The following HS6ST2 variants were observed in gnomAD, a reference collection of about 807,000 sequenced individuals.
HS6ST2 encodes the protein heparan-sulfate 6-O-sulfotransferase 2.
In HS6ST2, 17 loss-of-function variants were observed where a neutral mutation model predicts 33.0. The ratio of observed to expected loss-of-function variants is 0.52; its 90% CI spans 0.35 to 0.77. The LOEUF (loss-of-function observed/expected upper bound fraction) is 0.77. Among genes scored for constraint, HS6ST2 ranks in the 30% least tolerant of loss-of-function variants. The pLI is 0.01. For missense variants in HS6ST2, 519 were observed against 551.7 expected (o/e 0.94, Z 0.59); for synonymous variants, 248 against 237.1 (o/e 1.05, Z -0.42).
rs752994148 is a variant in HS6ST2, at chrX:132,744,229, A to C, written c.948-35735T>G. 6.0e-4 allele frequency among the ~76,000 whole-genome samples: 67 copies of C among 111,869 alleles called. 1 individual carries two copies. Among genetic ancestry groups the C allele is most frequent in the African/African-American group, 2.1e-3 (65 of 30,794 alleles). Reference sequence around the variant, plus strand: ...ATCAACCCTATGAAGTACATAATATATTTACTCCTATGGCTGGAGGAAGCA... The same window carrying C: ...ATCAACCCTATGAAGTACATAATATCTTTACTCCTATGGCTGGAGGAAGCA... On this transcript the variant is annotated intron_variant, in intron 2 of 4. Coordinates refer to ENST00000370833, the MANE Select transcript of HS6ST2 (RefSeq NM_001394073.1).
intron 2 of HS6ST2, among the ~76,000 whole-genome samples, chrX:132,731,630 G>A (rs935218207): frequency 5.4e-5 from 6 of 111,512 alleles, no homozygotes; most frequent in African/African-American, 1.3e-4. Context: ...GGCGGATCAC[G>A]AGGTCAGGAG....
intron 2 of HS6ST2, among the ~76,000 whole-genome samples, chrX:132,911,571 T>C (rs1010361915): frequency 9.0e-6 from 1 of 111,153 alleles, no homozygotes; most frequent in African/African-American, 3.3e-5. Flanking sequence ...GCTAATTCTT[T>C]CCCATGATCC....
intron 2 of HS6ST2, among the ~76,000 whole-genome samples, chrX:132,821,068 C>T (rs1415107764): frequency 1.8e-5 from 2 of 110,701 alleles, no homozygotes; most frequent in Admixed American, 1.9e-4. Context: ...CACCTCCCCC[C>T]ACCATAAAAC....
At chrX:132,863,825 T>C (rs1569498106) in intron 2 of HS6ST2, among the ~76,000 whole-genome samples, 2 of 111,693 alleles carry the variant, frequency 1.8e-5, no homozygotes, top group African/African-American at 6.5e-5. Flanking sequence ...TCTTCATCCC[T>C]AAAAATATCC....
At position 132,629,000 on chromosome X, in the gene HS6ST2, G is replaced by C; in HGVS notation, c.1161C>G (p.Ser387=). 1 of 1,207,948 alleles carries C rather than the reference G, an allele frequency of 8.3e-7. No homozygotes were observed. Among genetic ancestry groups the C allele is most frequent in the Non-Finnish European group, 1.1e-6 (1 of 893,675 alleles). The change falls in exon 5 of 5, where the codon TCC becomes TCG. Residue 387 remains serine, a synonymous_variant. Coordinates refer to ENST00000370833, the MANE Select transcript of HS6ST2 (RefSeq NM_001394073.1). ...GAGGCCTTCCATCGCAGACATGCAG[G>C]GATGCTTTCCATGTTGCCCCTCTCT... ...HVQRGATWKA[S]LHVCDGRPPT... is the part of the protein sequence containing the mutation.
intron 3 of HS6ST2, among the ~76,000 whole-genome samples, chrX:132,697,145 C>A (rs1252698873): frequency 8.9e-6 from 1 of 112,122 alleles, no homozygotes; most frequent in Non-Finnish European, 1.9e-5. Flanking sequence ...ATGTGACTTG[C>A]CACTTTCTGT....
chrX:132,861,040 G>T (rs1334558219), intron 2 of HS6ST2, among the ~76,000 whole-genome samples: 2 of 110,561 alleles, frequency 1.8e-5, no homozygotes, highest in African/African-American at 6.6e-5. Context: ...TGATCTGCCT[G>T]CCTTGGCCTC....
chrX:132,860,786 T>C, intron 2 of HS6ST2, among the ~76,000 whole-genome samples: 1 of 85,291 alleles, frequency 1.2e-5, no homozygotes, highest in Non-Finnish European at 2.3e-5. Context: ...TCTTTTTTTT[T>C]TTTTTTTTTT....
intron 2 of HS6ST2, among the ~76,000 whole-genome samples, chrX:132,712,739 G>A (rs1468470461): frequency 1.8e-5 from 2 of 111,769 alleles, no homozygotes; most frequent in Non-Finnish European, 3.8e-5. Context: ...AGAAAATGGG[G>A]ACAAGGTGGG....
intron 2 of HS6ST2, among the ~76,000 whole-genome samples, chrX:132,844,410 T>C (rs1029540398): frequency 3.6e-5 from 4 of 111,716 alleles, no homozygotes; most frequent in Non-Finnish European, 5.6e-5. Flanking sequence ...ACATTTCTGA[T>C]CTTACAGGGT....
intron 2 of HS6ST2, among the ~76,000 whole-genome samples, chrX:132,948,028 T>C (rs1184056861): frequency 8.9e-6 from 1 of 111,880 alleles, no homozygotes; most frequent in East Asian, 2.8e-4. Flanking sequence ...TTGAGGTAAA[T>C]CAATACACCG....
At chrX:132,928,781 C>T (rs1324314892) in intron 2 of HS6ST2, among the ~76,000 whole-genome samples, 4 of 111,451 alleles carry the variant, frequency 3.6e-5, no homozygotes. Context: ...ACTGCTAGCT[C>T]TGTAACCCCA....
At chrX:132,780,333 C>G (rs1388286519) in intron 2 of HS6ST2, among the ~76,000 whole-genome samples, 2 of 110,714 alleles carry the variant, frequency 1.8e-5, no homozygotes, top group Non-Finnish European at 3.8e-5. Context: ...CCTCATGCCT[C>G]CCTTCATCCT....
chrX:132,629,134 C>T (rs746919074), intron 4 of HS6ST2, 41 bp from the exon 5 acceptor site: 26 of 1,146,864 alleles, frequency 2.3e-5, no homozygotes, highest in Non-Finnish European at 2.8e-5. Context: ...GAGATATGGG[C>T]GAAATAAGTG....
intron 2 of HS6ST2, among the ~76,000 whole-genome samples, chrX:132,757,738 G>A (rs374715365): frequency 3.8e-4 from 42 of 111,981 alleles, no homozygotes; most frequent in African/African-American, 1.3e-3. Context: ...AGTCTTTTTA[G>A]ACAAACACAG....
chrX:132,893,419 G>A (rs1478785927), intron 2 of HS6ST2, among the ~76,000 whole-genome samples: 1 of 112,337 alleles, frequency 8.9e-6, no homozygotes, highest in Non-Finnish European at 1.9e-5. Context: ...TAAATGGAAG[G>A]AAAGGAGAGG....
At chrX:132,659,112 C>T (rs1181879616) in intron 4 of HS6ST2, among the ~76,000 whole-genome samples, 1 of 111,959 alleles carries the variant, frequency 8.9e-6, no homozygotes, top group Non-Finnish European at 1.9e-5. Context: ...GGATGCTAGG[C>T]ACCCATGCAC....
chrX:132,941,125 A>G (rs1341325273), intron 2 of HS6ST2, among the ~76,000 whole-genome samples: 1 of 112,159 alleles, frequency 8.9e-6, no homozygotes, highest in Non-Finnish European at 1.9e-5. Flanking sequence ...TTTTTAAAAC[A>G]GAAGAGTTCG....
intron 2 of HS6ST2, among the ~76,000 whole-genome samples, chrX:132,896,901 CAGA>C (rs1242534766): frequency 3.6e-5 from 4 of 111,488 alleles, no homozygotes; most frequent in Non-Finnish European, 7.5e-5. Flanking sequence ...TTCAAAGTAC[CAGA>C]GAATCTCAGA....
Sources: allele counts gnomAD v4.1 joint callset (sites outside exome capture counted in the v4.1 genomes callset), GRCh38; gene constraint gnomAD v4.1.1; transcripts MANE v1.5; gene names NCBI Gene and HGNC (gene_info 2026-07-23, HGNC 2026-07-21).